GRAMD1B: variants seen among roughly 807,000 people sequenced by gnomAD.
GRAMD1B encodes the protein protein Aster-B.
Under a neutral mutation model 99.7 loss-of-function variants are expected in GRAMD1B, and 37 were observed. The observed-to-expected ratio is 0.37, with a 90% confidence interval of 0.29 to 0.49. The LOEUF (loss-of-function observed/expected upper bound fraction) is 0.49, where lower values mean the gene tolerates loss of function less well. Ranked by LOEUF, GRAMD1B falls within the 20% of genes least tolerant of loss-of-function variation. The pLI, the probability that GRAMD1B is intolerant of heterozygous loss-of-function variation, is 0.98. For synonymous variants in GRAMD1B, 427 were observed against 387.6 expected (o/e 1.10, Z -1.19); for missense variants, 888 against 1,009.2 (o/e 0.88, Z 1.63).
Position 123,577,499 on chromosome 11 carries a change from G to A in GRAMD1B, c.585G>A (p.Lys195=), listed in dbSNP as rs1388632553. Residue 195 remains lysine (K), a synonymous_variant, in exon 3 of 20, where the codon AAG becomes AAA. Coordinates refer to ENST00000635736, the MANE Select transcript of GRAMD1B (RefSeq NM_001387025.1). ...VEKGSDHSSD[K]SPSTPEQGVQ... is the part of the protein sequence containing the mutation. The stretch of plus-strand genomic sequence containing the variant: ...AGGGCTCAGATCACTCCTCGGACAA[G>A]TCCCCGTCCACACCGGAGCAGGGCG... 2 of 1,602,818 alleles carry A rather than the reference G, an allele frequency of 1.2e-6. No individual in the cohort carries two copies. The highest frequency in any genetic ancestry group is 1.7e-6 in the Non-Finnish European group (2 of 1,175,028).
chr11:123,617,993 T>C (rs1182650922), intron 17 of GRAMD1B, among the ~76,000 whole-genome samples: 1 of 152,208 alleles, frequency 6.6e-6, no homozygotes, highest in Non-Finnish European at 1.5e-5. Flanking sequence ...CAGGGAACTT[T>C]GCAGCTTGCG....
rs201070086 is a variant in GRAMD1B at position 123,467,833 on chromosome 11, C to CCTTCCTTCCTTCCTTCCTT, written c.375-12982_375-12981insTTCCTTCCTTCCTTCCTTC. 4.8e-3 allele frequency among the ~76,000 whole-genome samples: 473 copies of CCTTCCTTCCTTCCTTCCTT among 98,786 alleles called. 2 individuals are homozygous for CCTTCCTTCCTTCCTTCCTT. Among genetic ancestry groups the CCTTCCTTCCTTCCTTCCTT allele is most frequent in the Middle Eastern group, 0.024 (5 of 206 alleles). The allele number at this position is 98,786 out of a possible 152,430, so 64.8% of individuals were successfully genotyped here. A position where few individuals can be genotyped will look rare whatever the true frequency, so the allele number is the denominator to read the frequency against. ...TTTCTTTTCTTTTCCCTCCCTCCCT[C>CCTTCCTTCCTTCCTTCCTT]CCTCCCTCCCTTCCTTCCTTCCTTC... On this transcript the variant is annotated intron_variant, in intron 1 of 19. Coordinates refer to ENST00000635736, the MANE Select transcript of GRAMD1B (RefSeq NM_001387025.1).
chr11:123,578,990 C>T (rs190229438), intron 3 of GRAMD1B, among the ~76,000 whole-genome samples: 229 of 152,322 alleles, frequency 1.5e-3, no homozygotes, highest in African/African-American at 5.3e-3. Context: ...AACCTGGGCA[C>T]CCCTTAGCAT....
At chr11:123,429,169 G>C (rs1948757870), upstream of GRAMD1B, among the ~76,000 whole-genome samples, 2 of 152,046 alleles carry the variant, frequency 1.3e-5, no homozygotes, top group Admixed American at 6.6e-5. The surrounding 1 kb of genome is among the most constrained non-coding windows in gnomAD (Gnocchi z 4.0). Flanking sequence ...CTCCAGCCTG[G>C]GCAACAGAGT....
In GRAMD1B at chr11:123,430,432, G is replaced by A. The variant is rs1004231963; in HGVS notation, c.-361G>A. 2.5e-4 allele frequency: 66 copies of A among 259,276 alleles called. No individual in the cohort carries two copies. Among genetic ancestry groups the A allele is most frequent in the Non-Finnish European group, 9.4e-5 (13 of 137,762 alleles). 16.1% of individuals were successfully genotyped at this position (259,276 alleles called of 1,614,324 possible). On this transcript the variant is annotated 5_prime_UTR_variant, in exon 1 of 20. Transcript: ENST00000635736. ...CTGGGGCCCCTGGCTGCCGAGTCCCGCTAAGGCAAAGACGCCAGCAAGCGA... is the reference window on the plus strand; with the variant it reads ...CTGGGGCCCCTGGCTGCCGAGTCCCACTAAGGCAAAGACGCCAGCAAGCGA...
intron 2 of GRAMD1B, among the ~76,000 whole-genome samples, chr11:123,557,062 G>A (rs910500071): frequency 1.3e-5 from 2 of 152,132 alleles, no homozygotes; most frequent in African/African-American, 4.8e-5. Context: ...TGTACTATAG[G>A]CAAGTTATTA....
Position 123,394,940 on chromosome 11 carries a change from C to G in GRAMD1B, c.-176+36141C>G, listed in dbSNP as rs554465853. ...AAAAAGAGAACAAGAGAGGGCCAAA[C>G]TCACCATTTTATACCAATCCCACCC... On this transcript the variant is annotated intron_variant, in intron 1 of 20. Coordinates refer to the GRAMD1B transcript ENST00000638157. Among the ~76,000 whole-genome samples the G allele has an allele frequency of 2.2e-3, 339 of 152,346 alleles. 1 individual carries two copies. Among genetic ancestry groups the G allele is most frequent in the Non-Finnish European group, 2.1e-3 (140 of 68,040 alleles).
At chr11:123,459,259 CT>C (rs34128963) in intron 1 of GRAMD1B, 108,064 of 143,074 alleles carry the variant, frequency 0.76, 41,498 homozygotes, top group East Asian at 0.97. Context: ...CCCTTATCTT[CT>C]TTTTTTTTTT....
At chr11:123,389,342 C>A (rs1947191695) in intron 1 of GRAMD1B, among the ~76,000 whole-genome samples, 1 of 151,610 alleles carries the variant, frequency 6.6e-6, no homozygotes, top group Admixed American at 6.6e-5. Context: ...CGTGATCGAG[C>A]CACTGCACTC....
intron 2 of GRAMD1B, among the ~76,000 whole-genome samples, chr11:123,555,156 G>A (rs1483086679): frequency 1.3e-5 from 2 of 152,198 alleles, no homozygotes; most frequent in Non-Finnish European, 2.9e-5. Context: ...CACAGCTCCA[G>A]CATCACAAGG....
intron 1 of GRAMD1B, among the ~76,000 whole-genome samples, chr11:123,375,070 G>C (rs1946648368): frequency 6.6e-6 from 1 of 152,144 alleles, no homozygotes. Flanking sequence ...GCTAAGGATA[G>C]TATCTTCATG....
chr11:123,450,003 A>G (rs922815085), intron 1 of GRAMD1B, among the ~76,000 whole-genome samples: 50 of 152,238 alleles, frequency 3.3e-4, no homozygotes, highest in African/African-American at 1.2e-3. Context: ...GATTACAGGC[A>G]TGAGTCACCA....
intron 1 of GRAMD1B, among the ~76,000 whole-genome samples, chr11:123,448,057 C>T (rs1949717509): frequency 6.6e-6 from 1 of 151,978 alleles, no homozygotes; most frequent in Non-Finnish European, 1.5e-5. Flanking sequence ...GAGAGAGAGA[C>T]AGGGTCTTGC....
At chr11:123,435,527 G>A in intron 1 of GRAMD1B, 1 of 687,032 alleles carries the variant, frequency 1.5e-6, no homozygotes, top group Non-Finnish European at 2.6e-6. Flanking sequence ...AGGAAGAAGT[G>A]GAACAAATGG....
chr11:123,596,868 G>A (rs1288454279), intron 7 of GRAMD1B, among the ~76,000 whole-genome samples: 3 of 152,152 alleles, frequency 2.0e-5, no homozygotes, highest in Non-Finnish European at 1.5e-5. Context: ...GCCTTCCTGG[G>A]CTGCCCTAGT....
At chr11:123,605,274 A>G (rs73029853) in intron 9 of GRAMD1B, 48 bp from the exon 10 acceptor site, 56,900 of 1,398,512 alleles carry the variant, frequency 0.041, 1,916 homozygotes, top group African/African-American at 0.17. Context: ...ATAGTTGGCC[A>G]TCTTGAACCA....
chr11:123,433,161 G>C (rs1396372877), intron 1 of GRAMD1B, among the ~76,000 whole-genome samples: 1 of 151,984 alleles, frequency 6.6e-6, no homozygotes, highest in Non-Finnish European at 1.5e-5. Flanking sequence ...AGGGTCACCT[G>C]AGGTCAGGAG....
Position 123,609,876 on chromosome 11 carries a change from C to A in GRAMD1B, c.1739C>A (p.Pro580His). ...CTTTACACCATCACCCTTACCAACC[C>A]TCTGGCTCCCAAAACTGCCACTGTC... ...VILYTITLTN[P>H]LAPKTATVRE... Residue 580 changes from proline to histidine, a missense_variant, in exon 13 of 20, where the codon CCT (proline) becomes CAT (histidine). Pro to His is a moderately conservative substitution (Grantham distance 77). Around this residue, in one of 5 missense-constraint regions of GRAMD1B, gnomAD observed 92 missense variants for 156.9 expected, o/e 0.59. Transcript: ENST00000635736. 1 of 1,598,676 alleles carries A rather than the reference C, an allele frequency of 6.3e-7. No individual in the cohort carries two copies. Among genetic ancestry groups the A allele is most frequent in the Non-Finnish European group, 8.5e-7 (1 of 1,172,164 alleles).
chr11:123,359,720 C>T (rs1946075257), intron 1 of GRAMD1B, among the ~76,000 whole-genome samples: 1 of 151,966 alleles, frequency 6.6e-6, no homozygotes, highest in South Asian at 2.1e-4. Flanking sequence ...GAACGCTTGG[C>T]AAATCTCTAG....
Sources: allele counts gnomAD v4.1 joint callset (sites outside exome capture counted in the v4.1 genomes callset), GRCh38; gene constraint gnomAD v4.1.1; regional missense constraint gnomAD v4.1.1; non-coding constraint Gnocchi (gnomAD v3.1); transcripts MANE v1.5; gene names NCBI Gene and HGNC (gene_info 2026-07-23, HGNC 2026-07-21).